The following PSMD14 variants were observed in gnomAD, a reference collection of about 807,000 sequenced individuals.
PSMD14 encodes the protein ubiquitin C-terminal hydrolase PSMD14.
In PSMD14, 7 loss-of-function variants were observed where a neutral mutation model predicts 41.2. The ratio of observed to expected loss-of-function variants is 0.17; its 90% CI spans 0.10 to 0.32. The LOEUF is 0.32. Among genes scored for constraint, PSMD14 ranks in the 10% least tolerant of loss-of-function variants. PSMD14 has a pLI of 1.00. For missense variants in PSMD14, 139 were observed against 375.6 expected (o/e 0.37, Z 5.21); for synonymous variants, 114 against 122.3 (o/e 0.93, Z 0.45).
At chr2:161,409,391 G>T (rs1683995811) in intron 11 of PSMD14, among the ~76,000 whole-genome samples, 1 of 152,002 alleles carries the variant, frequency 6.6e-6, no homozygotes, top group Non-Finnish European at 1.5e-5. Context: ...ATTATCTGAG[G>T]GTGGGGGAAG....
chr2:161,407,320 T>G (rs1683960390), intron 10 of PSMD14, among the ~76,000 whole-genome samples: 2 of 152,170 alleles, frequency 1.3e-5, no homozygotes, highest in African/African-American at 2.4e-5. Context: ...GACATCTGAC[T>G]CTGAAAATGA....
At chr2:161,406,592 G>T (rs2105273254) in intron 10 of PSMD14, among the ~76,000 whole-genome samples, 1 of 152,276 alleles carries the variant, frequency 6.6e-6, no homozygotes, top group South Asian at 2.1e-4. Flanking sequence ...ATGAGATACA[G>T]GTAACTTGGG....
chr2:161,390,219 G>A (rs943259591), intron 8 of PSMD14, among the ~76,000 whole-genome samples: 12 of 152,006 alleles, frequency 7.9e-5, no homozygotes, highest in Non-Finnish European at 1.8e-4. Context: ...TTAGAGAAGT[G>A]GTGGTTATTT....
intron 3 of PSMD14, among the ~76,000 whole-genome samples, chr2:161,320,470 T>C (rs555062314): frequency 6.6e-6 from 1 of 152,232 alleles, no homozygotes; most frequent in Non-Finnish European, 1.5e-5. Context: ...TGTCCTTAGT[T>C]TGTACTCTTT....
chr2:161,369,386 A>G (rs988048958), intron 5 of PSMD14, among the ~76,000 whole-genome samples: 3 of 152,014 alleles, frequency 2.0e-5, no homozygotes, highest in Non-Finnish European at 2.9e-5. Flanking sequence ...TAAAGTATAT[A>G]TATGAAAAGA....
chr2:161,373,516 CTTAG>C (rs906394627), intron 7 of PSMD14, among the ~76,000 whole-genome samples: 16 of 151,662 alleles, frequency 1.1e-4, no homozygotes, highest in African/African-American at 1.5e-4. Flanking sequence ...CTAGTAAATC[CTTAG>C]TTAGTGTTTT....
At chr2:161,309,473 T>G (rs527287619) in intron 1 of PSMD14, among the ~76,000 whole-genome samples, 1 of 152,338 alleles carries the variant, frequency 6.6e-6, no homozygotes, top group South Asian at 2.1e-4. Flanking sequence ...CAAGTGTTTT[T>G]TTAGTGCTTC....
intron 10 of PSMD14, among the ~76,000 whole-genome samples, chr2:161,403,886 T>C (rs931211684): frequency 6.6e-6 from 1 of 151,966 alleles, no homozygotes; most frequent in Non-Finnish European, 1.5e-5. Context: ...AGTAGAACTT[T>C]GTTCTTCTAT....
Position 161,342,851 on chromosome 2 carries a change from A to G in PSMD14, c.48+23978A>G, listed in dbSNP as rs115774585. Among the ~76,000 whole-genome samples the G allele has an allele frequency of 1.3e-3, 199 of 152,126 alleles. 1 individual carries two copies. The highest frequency in any genetic ancestry group is 4.6e-3 in the African/African-American group (189 of 41,492). ...TCCCCTTTGTTGAATTTCTAGCTAT[A>G]ACTTGTTTTGTTAGTTTATTTTTTG... is the stretch of plus-strand genomic sequence containing the variant. On this transcript the variant is annotated intron_variant, in intron 3 of 11. Coordinates refer to ENST00000409682, the MANE Select transcript of PSMD14 (RefSeq NM_005805.6).
chr2:161,389,879 C>CT (rs1470566207), intron 8 of PSMD14, among the ~76,000 whole-genome samples: 1 of 19,412 alleles, frequency 5.2e-5, no homozygotes, highest in African/African-American at 1.8e-4. Flanking sequence ...TATTTTCTTT[C>CT]TTTTTTGTTG....
intron 3 of PSMD14, among the ~76,000 whole-genome samples, chr2:161,322,499 C>T (rs933501006): frequency 5.3e-5 from 8 of 152,164 alleles, no homozygotes; most frequent in East Asian, 1.9e-4. Flanking sequence ...AAGTGATTCT[C>T]CTGCCTCAGC....
At chr2:161,387,501 A>G (rs1683648750) in intron 8 of PSMD14, among the ~76,000 whole-genome samples, 1 of 151,968 alleles carries the variant, frequency 6.6e-6, no homozygotes, top group Admixed American at 6.6e-5. Flanking sequence ...GCTGGTGGTC[A>G]CTAATGATTT....
intron 8 of PSMD14, among the ~76,000 whole-genome samples, chr2:161,388,848 G>C (rs1037848282): frequency 6.6e-6 from 1 of 152,198 alleles, no homozygotes; most frequent in East Asian, 1.9e-4. Context: ...AGCAGTGAGT[G>C]CATAGAGGTA....
Position 161,408,577 on chromosome 2 carries a change from A to G in PSMD14, c.772-260A>G, listed in dbSNP as rs568572879. On this transcript the variant is annotated intron_variant, in intron 10 of 11. Coordinates refer to ENST00000409682, the MANE Select transcript of PSMD14 (RefSeq NM_005805.6). Reference sequence around the variant, plus strand: ...TTCAGTAACAGTTTGCAAATGGTCAACACAATCATTTAGTGATCCTGTTTG... The same window carrying G: ...TTCAGTAACAGTTTGCAAATGGTCAGCACAATCATTTAGTGATCCTGTTTG... 1.2e-3 allele frequency: 484 copies of G among 395,332 alleles called. No individual in the cohort carries two copies. The Middle Eastern group carries it at 0.017, about 14-fold the overall frequency. 24.5% of individuals were successfully genotyped at this position (395,332 alleles called of 1,614,324 possible).
chr2:161,394,326 A>G (rs567953999), intron 9 of PSMD14, among the ~76,000 whole-genome samples: 44 of 152,202 alleles, frequency 2.9e-4, no homozygotes, highest in South Asian at 1.0e-3. Context: ...CATCCTGACA[A>G]TAAGGAAGTT....
intron 9 of PSMD14, 110 bp downstream of exon 9, chr2:161,391,288 C>A: frequency 1.8e-6 from 2 of 1,091,320 alleles, no homozygotes; most frequent in Non-Finnish European, 2.5e-6. Flanking sequence ...TCAGTGTTTC[C>A]AAATATTATT....
At chr2:161,356,681 T>C (rs927384892) in intron 3 of PSMD14, among the ~76,000 whole-genome samples, 1 of 152,026 alleles carries the variant, frequency 6.6e-6, no homozygotes, top group Admixed American at 6.5e-5. Context: ...AAAAATAATT[T>C]TTAAAACACA....
intron 8 of PSMD14, 135 bp downstream of exon 8, chr2:161,385,706 G>C: frequency 1.8e-6 from 1 of 552,740 alleles, no homozygotes; most frequent in Non-Finnish European, 3.1e-6. Context: ...TAAAAGAATT[G>C]TGGAAATACT....
At chr2:161,386,269 CTAGT>C (rs1226965131) in intron 8 of PSMD14, among the ~76,000 whole-genome samples, 1 of 151,780 alleles carries the variant, frequency 6.6e-6, no homozygotes, top group Non-Finnish European at 1.5e-5. Context: ...CTGTGTCTAT[CTAGT>C]TAATTACTAC....
Sources: gnomAD v4.1 joint callset for allele counts (sites outside exome capture counted in the v4.1 genomes callset) on GRCh38, gnomAD v4.1.1 for gene constraint, MANE v1.5 for transcripts, NCBI Gene and HGNC (gene_info 2026-07-23, HGNC 2026-07-21) for gene names.